ZKSCAN5: variants seen among roughly 807,000 people sequenced by gnomAD.
The protein encoded by ZKSCAN5 is zinc finger protein with KRAB and SCAN domains 5.
In ZKSCAN5, 28 loss-of-function variants were observed where a neutral mutation model predicts 60.0. The observed-to-expected ratio is 0.47, with a 90% CI of 0.35 to 0.64. ZKSCAN5 has a LOEUF of 0.64. Ranked by LOEUF, ZKSCAN5 falls within the 30% of genes least tolerant of loss-of-function variation. The pLI, the probability that ZKSCAN5 is intolerant of heterozygous loss-of-function variation, is 0.01. For synonymous variants in ZKSCAN5, 361 were observed against 371.2 expected, an observed-to-expected ratio of 0.97 and a Z score of 0.31; for missense variants, 881 against 1,034.6, an observed-to-expected ratio of 0.85 and a Z score of 2.04.
In ZKSCAN5 at chr7:99,530,075, C is replaced by T. The variant is rs1426362226; in HGVS notation, c.1379-1033C>T. 2.0e-5 allele frequency among the ~76,000 whole-genome samples: 3 copies of T among 146,536 alleles called. No homozygotes were observed. In the East Asian group the frequency reaches 5.9e-4, roughly 29 times the overall value. On this transcript the variant is annotated intron_variant, in intron 6 of 6. Coordinates refer to ENST00000326775, the MANE Select transcript of ZKSCAN5 (RefSeq NM_145102.4). ...TTTTGAGATGGAGTCTTGCTGTTGCCCAGGCTGGAGTGCAATGGCGCAGTC... is the reference window on the plus strand; with the variant it reads ...TTTTGAGATGGAGTCTTGCTGTTGCTCAGGCTGGAGTGCAATGGCGCAGTC...
At chr7:99,518,776 A>C (rs1801384991) in intron 3 of ZKSCAN5, among the ~76,000 whole-genome samples, 1 of 146,888 alleles carries the variant, frequency 6.8e-6, no homozygotes, top group African/African-American at 2.5e-5. Context: ...CCTGGGTTCA[A>C]GTGATTCTCC....
chr7:99,525,487 A>G (rs1438463769), intron 5 of ZKSCAN5, among the ~76,000 whole-genome samples: 1 of 151,816 alleles, frequency 6.6e-6, no homozygotes, highest in Non-Finnish European at 1.5e-5. Context: ...ACACACATAC[A>G]CGCGCGCGCG....
intron 2 of ZKSCAN5, among the ~76,000 whole-genome samples, chr7:99,512,137 A>G (rs1377338857): frequency 1.3e-5 from 2 of 152,126 alleles, no homozygotes; most frequent in Non-Finnish European, 2.9e-5. Context: ...CACTTCCTCC[A>G]GAAAGCCTTC....
At chr7:99,519,969 T>A in intron 4 of ZKSCAN5, 60 bp downstream of exon 4, 1 of 1,592,440 alleles carries the variant, frequency 6.3e-7, no homozygotes, top group South Asian at 1.1e-5. Flanking sequence ...CCAAGAGTTC[T>A]GTTTCTTTAG....
intron 5 of ZKSCAN5, among the ~76,000 whole-genome samples, chr7:99,521,334 G>A (rs1361572969): frequency 2.0e-5 from 3 of 152,002 alleles, no homozygotes; most frequent in Non-Finnish European, 2.9e-5. Context: ...AATAGCTGGG[G>A]TTACAGGCAT....
chr7:99,513,266 T>G (rs1385516900), intron 3 of ZKSCAN5, among the ~76,000 whole-genome samples: 1 of 152,032 alleles, frequency 6.6e-6, no homozygotes, highest in African/African-American at 2.4e-5. Context: ...GTATGTTTAT[T>G]GCTGAATTAC....
chr7:99,523,628 A>G (rs372792454), intron 5 of ZKSCAN5, among the ~76,000 whole-genome samples: 35 of 152,162 alleles, frequency 2.3e-4, no homozygotes, highest in African/African-American at 6.7e-4. Flanking sequence ...CAATCAATCA[A>G]TCAATCAATG....
intron 2 of ZKSCAN5, among the ~76,000 whole-genome samples, chr7:99,510,700 C>A (rs139619501): frequency 6.6e-6 from 1 of 151,850 alleles, no homozygotes; most frequent in African/African-American, 2.4e-5. Flanking sequence ...CGCCTCGGCC[C>A]CCCAAAGTAC....
At chr7:99,514,852 A>G (rs1427835798) in intron 3 of ZKSCAN5, among the ~76,000 whole-genome samples, 2 of 151,742 alleles carry the variant, frequency 1.3e-5, no homozygotes, top group Non-Finnish European at 2.9e-5. Flanking sequence ...TGGAGGTTGC[A>G]GTGAGCTGAG....
chr7:99,514,395 T>A (rs1378852683), intron 3 of ZKSCAN5, among the ~76,000 whole-genome samples: 1 of 152,222 alleles, frequency 6.6e-6, no homozygotes, highest in Non-Finnish European at 1.5e-5. Flanking sequence ...CTTCAAATTT[T>A]CCTCTCTTTG....
At chr7:99,509,748 A>G (rs1471431111) in intron 2 of ZKSCAN5, among the ~76,000 whole-genome samples, 10 of 151,940 alleles carry the variant, frequency 6.6e-5, no homozygotes, top group Non-Finnish European at 1.2e-4. Context: ...TTACAGGTGT[A>G]AGCCACTGTG....
intron 3 of ZKSCAN5, among the ~76,000 whole-genome samples, chr7:99,515,244 A>G (rs1434809790): frequency 6.6e-6 from 1 of 151,258 alleles, no homozygotes; most frequent in East Asian, 2.0e-4. Context: ...GTCTCTACTA[A>G]AAATATGCAA....
At chr7:99,512,058 C>G (rs1014685886) in intron 2 of ZKSCAN5, among the ~76,000 whole-genome samples, 4 of 152,190 alleles carry the variant, frequency 2.6e-5, no homozygotes, top group African/African-American at 9.6e-5. Context: ...TCCCAAAGTG[C>G]TGGGATTACA....
intron 6 of ZKSCAN5, among the ~76,000 whole-genome samples, chr7:99,527,501 G>A (rs1278455349): frequency 6.6e-6 from 1 of 151,316 alleles, no homozygotes; most frequent in Non-Finnish European, 1.5e-5. Context: ...TCACGTAGTC[G>A]TACTCAGAAT....
At position 99,534,691 on chromosome 7, in the gene ZKSCAN5, A is replaced by C. The variant is rs941003839; in HGVS notation, c.*2442A>C. 3.3e-5 allele frequency: 5 copies of C among 151,844 alleles called. No individual in the cohort carries two copies. The highest frequency in any genetic ancestry group is 5.9e-5 in the Non-Finnish European group (4 of 68,078). The allele number at this position is 151,844 out of a possible 1,614,324, so 9.4% of individuals were successfully genotyped here. A position where few individuals can be genotyped will look rare whatever the true frequency, so the allele number is the denominator to read the frequency against. On this transcript the variant is annotated 3_prime_UTR_variant, in exon 7 of 7. Coordinates refer to ENST00000326775, the MANE Select transcript of ZKSCAN5 (RefSeq NM_145102.4). ...ACAGTGTCTAAAAAAAAAAAAAAAA[A>C]AAAAAAAAACATTTTTTGGAGAGAT...
At chr7:99,514,339 C>G (rs1471659635) in intron 3 of ZKSCAN5, among the ~76,000 whole-genome samples, 1 of 152,178 alleles carries the variant, frequency 6.6e-6, no homozygotes. Context: ...GAGAGTACAG[C>G]TGTCTTTCTG....
At chr7:99,519,934 A>G (rs781016825) in intron 4 of ZKSCAN5, 25 bp downstream of exon 4, 2 of 1,611,566 alleles carry the variant, frequency 1.2e-6, no homozygotes, top group East Asian at 2.2e-5. Flanking sequence ...CTTTGCCCTC[A>G]GAGAGGACCC....
In ZKSCAN5 at chr7:99,506,089, A is replaced by T; in HGVS notation, c.45A>T (p.Pro15=). ...GAGAAGTTATAGACTTAGACCCCCC[A>T]GCTGAGACTTCCCAGGAGCAGGAAG... ...ESREVIDLDP[P]AETSQEQEDL... Residue 15 remains proline, a synonymous_variant, in exon 2 of 7, where the codon CCA becomes CCT. Transcript: ENST00000326775. The T allele has an allele frequency of 6.2e-7, 1 of 1,614,148 alleles. No individual in the cohort carries two copies. Among genetic ancestry groups the T allele is most frequent in the Non-Finnish European group, 8.5e-7 (1 of 1,180,024 alleles).
intron 2 of ZKSCAN5, among the ~76,000 whole-genome samples, chr7:99,507,789 C>A (rs1208129413): frequency 6.6e-6 from 1 of 151,534 alleles, no homozygotes; most frequent in Non-Finnish European, 1.5e-5. Flanking sequence ...ACTTATACTT[C>A]CAGCTACTCA....
Sources: gnomAD v4.1 joint callset for allele counts (sites outside exome capture counted in the v4.1 genomes callset) on GRCh38, gnomAD v4.1.1 for gene constraint, MANE v1.5 for transcripts, NCBI Gene and HGNC (gene_info 2026-07-23, HGNC 2026-07-21) for gene names.